Variants in ZNF430 observed in about 807,000 individuals in gnomAD.
The protein encoded by ZNF430 is zinc finger protein 430.
In ZNF430, 35 loss-of-function variants were observed where a neutral mutation model predicts 56.7. The ratio of observed to expected loss-of-function variants is 0.62; its 90% CI spans 0.47 to 0.82. The LOEUF (loss-of-function observed/expected upper bound fraction) is 0.82. Ranked by LOEUF, ZNF430 falls within the 40% of genes least tolerant of loss-of-function variation. The probability of loss-of-function intolerance (pLI) is 0.00; values close to 1 mark genes in which losing one functional copy is unlikely to be tolerated. For missense variants in ZNF430, 574 were observed against 661.0 expected (o/e 0.87, Z 1.44); for synonymous variants, 212 against 224.3 (o/e 0.94, Z 0.49).
At chr19:21,048,392 G>A (rs1373488540) in intron 4 of ZNF430, among the ~76,000 whole-genome samples, 2 of 150,820 alleles carry the variant, frequency 1.3e-5, no homozygotes, top group Admixed American at 6.6e-5. Context: ...GACTCTTAAC[G>A]AGCATGCTGC....
At chr19:21,029,637 G>A (rs113178293) in intron 2 of ZNF430, among the ~76,000 whole-genome samples, 124 of 152,132 alleles carry the variant, frequency 8.2e-4, no homozygotes, top group African/African-American at 2.5e-3. Flanking sequence ...GTCTGGCCCC[G>A]CTCTGGAGCC....
Position 21,057,978 on chromosome 19 carries a change from T to C in ZNF430, c.1670T>C (p.Ile557Thr), listed in dbSNP as rs1968411902. 1.9e-6 allele frequency: 3 copies of C among 1,605,776 alleles called. No individual in the cohort carries two copies. Among genetic ancestry groups the C allele is most frequent in the East Asian group, 2.3e-5 (1 of 44,380 alleles). The change falls in exon 5 of 5, where the codon ATT becomes ACT. Residue 557 changes from isoleucine to threonine, a missense_variant. This residue lies in a region of ZNF430 where 213 missense variants were observed against 221.0 expected (regional missense o/e 0.96). Transcript: ENST00000261560. ...GCTTTCAACCAGTCCTCAAACCTTA[T>C]TGAACAAAGTAATTCATACTGGAGA... Reference protein sequence around the residue: ...GKAFNQSSNLIEQSNSYWRET... With the variant: ...GKAFNQSSNLTEQSNSYWRET...
At chr19:21,052,824 C>T (rs996635485) in intron 4 of ZNF430, among the ~76,000 whole-genome samples, 2 of 152,152 alleles carry the variant, frequency 1.3e-5, no homozygotes, top group Non-Finnish European at 2.9e-5. Flanking sequence ...AGAATGGACT[C>T]AGGGACCTGG....
Position 21,057,962 on chromosome 19 carries a change from C to G in ZNF430, c.1654C>G (p.Gln552Glu). 6.2e-7 allele frequency: 1 copy of G among 1,612,198 alleles called. No homozygotes were observed. The highest frequency in any genetic ancestry group is 8.5e-7 in the Non-Finnish European group (1 of 1,179,308). The change falls in exon 5 of 5, where the codon CAG (glutamine) becomes GAG (glutamate). Residue 552 changes from glutamine to glutamate, a missense_variant. Around this residue, in one of 3 missense-constraint regions of ZNF430, gnomAD observed 213 missense variants for 221.0 expected, o/e 0.96. Coordinates refer to ENST00000261560, the MANE Select transcript of ZNF430 (RefSeq NM_025189.4). ...TGAAGAATACGGCAAAGCTTTCAACCAGTCCTCAAACCTTATTGAACAAAG... is the reference window on the plus strand; with the variant it reads ...TGAAGAATACGGCAAAGCTTTCAACGAGTCCTCAAACCTTATTGAACAAAG... Reference protein sequence around the residue: ...NCEEYGKAFNQSSNLIEQSNS... With the variant: ...NCEEYGKAFNESSNLIEQSNS...
intron 4 of ZNF430, among the ~76,000 whole-genome samples, chr19:21,054,536 C>T (rs1368471317): frequency 6.6e-6 from 1 of 151,946 alleles, no homozygotes; most frequent in Admixed American, 6.6e-5. Context: ...TTGCAAATGA[C>T]ATCACTTTTA....
chr19:21,054,090 T>C (rs772061297), intron 4 of ZNF430, among the ~76,000 whole-genome samples: 1 of 152,178 alleles, frequency 6.6e-6, no homozygotes, highest in Non-Finnish European at 1.5e-5. Flanking sequence ...ATATTTTTTA[T>C]GTTGTATATT....
At position 21,059,543 on chromosome 19, in the gene ZNF430, C is replaced by CAAAAAAAAAAAAAAAAAAAAATA. The variant is rs71174793; in HGVS notation, c.*1541_*1542insAATAAAAAAAAAAAAAAAAAAAA. ...GGGCAACAAGAGTGAAACTCCATTT[C>CAAAAAAAAAAAAAAAAAAAAATA]AAAAAAAAAAAAAAAAAAACAACTA... On this transcript the variant is annotated 3_prime_UTR_variant, in exon 5 of 5. Coordinates refer to ENST00000261560, the MANE Select transcript of ZNF430 (RefSeq NM_025189.4). 2 of 102,284 alleles carry CAAAAAAAAAAAAAAAAAAAAATA rather than the reference C, an allele frequency of 2.0e-5. No individual in the cohort carries two copies. Among genetic ancestry groups the CAAAAAAAAAAAAAAAAAAAAATA allele is most frequent in the Non-Finnish European group, 2.1e-5 (1 of 48,436 alleles). The allele number at this position is 102,284 out of a possible 1,614,324, so 6.3% of individuals were successfully genotyped here.
At chr19:21,027,239 G>A (rs770254366) in intron 2 of ZNF430, among the ~76,000 whole-genome samples, 4 of 152,082 alleles carry the variant, frequency 2.6e-5, no homozygotes, top group Non-Finnish European at 5.9e-5. Flanking sequence ...TTTTCAAGGA[G>A]GAATGCTTCC....
At chr19:21,053,264 G>A (rs908930061) in intron 4 of ZNF430, among the ~76,000 whole-genome samples, 3 of 151,916 alleles carry the variant, frequency 2.0e-5, no homozygotes, top group Non-Finnish European at 4.4e-5. Context: ...AGGAAGGAGG[G>A]GGGTGATGAC....
At chr19:21,023,099 A>G (rs1284949145) in intron 2 of ZNF430, among the ~76,000 whole-genome samples, 2 of 152,212 alleles carry the variant, frequency 1.3e-5, no homozygotes, top group Non-Finnish European at 2.9e-5. Context: ...ATAGTATCCC[A>G]AAAGACAAAA....
intron 4 of ZNF430, among the ~76,000 whole-genome samples, chr19:21,052,143 CTCATT>C (rs1166936600): frequency 3.3e-5 from 5 of 152,134 alleles, no homozygotes; most frequent in South Asian, 2.1e-4. Flanking sequence ...CTGTTTTATA[CTCATT>C]TCATTTTGGT....
intron 4 of ZNF430, among the ~76,000 whole-genome samples, chr19:21,049,331 A>T (rs150546784): frequency 6.6e-6 from 1 of 152,160 alleles, no homozygotes; most frequent in African/African-American, 2.4e-5. Flanking sequence ...GTATTTTTAT[A>T]TCTACAGAAC....
At chr19:21,029,638 C>T (rs1967865171) in intron 2 of ZNF430, among the ~76,000 whole-genome samples, 1 of 152,070 alleles carries the variant, frequency 6.6e-6, no homozygotes, top group South Asian at 2.1e-4. Context: ...TCTGGCCCCG[C>T]TCTGGAGCCT....
In ZNF430 at chr19:21,057,039, G is replaced by C. The variant is rs1568594121; in HGVS notation, c.731G>C (p.Trp244Ser). The C allele has an allele frequency of 1.2e-6, 2 of 1,613,980 alleles. No homozygotes were observed. The highest frequency in any genetic ancestry group is 8.5e-7 in the Non-Finnish European group (1 of 1,179,972). ...QCEECGKVFN[W>S]FSTLTRHRRI... ...GAAGAATGTGGTAAAGTCTTTAACT[G>C]GTTCTCAACCCTTACTAGACACAGA... Residue 244 changes from tryptophan (W) to serine (S), a missense_variant, in exon 5 of 5, where the codon TGG (tryptophan) becomes TCG (serine). Trp to Ser is a radical substitution (Grantham distance 177). Coordinates refer to ENST00000261560, the MANE Select transcript of ZNF430 (RefSeq NM_025189.4).
At position 21,058,460 on chromosome 19, in the gene ZNF430, A is replaced by G; in HGVS notation, c.*439A>G. 6.2e-6 allele frequency: 1 copy of G among 160,522 alleles called. No homozygotes were observed. The allele number at this position is 160,522 out of a possible 1,614,324, so 9.9% of individuals were successfully genotyped here. ...ACTCCATCTCAGAAAAAAAAAAAAA[A>G]GATAATTCATACTGAAAAGAAACTC... On this transcript the variant is annotated 3_prime_UTR_variant, in exon 5 of 5. Coordinates refer to ENST00000261560, the MANE Select transcript of ZNF430 (RefSeq NM_025189.4).
intron 4 of ZNF430, among the ~76,000 whole-genome samples, chr19:21,041,370 G>C (rs906001925): frequency 6.6e-6 from 1 of 152,176 alleles, no homozygotes; most frequent in African/African-American, 2.4e-5. Context: ...CTGAGTTAAA[G>C]TAATCAGCCC....
intron 4 of ZNF430, chr19:21,036,534 C>A (rs368621477): frequency 1.6e-4 from 24 of 151,868 alleles, no homozygotes; most frequent in South Asian, 4.2e-4. Flanking sequence ...TTAGGTGTAC[C>A]TTTTAGGGCC....
intron 4 of ZNF430, among the ~76,000 whole-genome samples, chr19:21,041,558 T>A (rs867672492): frequency 3.3e-5 from 5 of 152,234 alleles, no homozygotes; most frequent in Middle Eastern, 3.2e-3. Context: ...ACAAGTTTGT[T>A]ACATAGGTAA....
chr19:21,043,950 T>C (rs1379580372), intron 4 of ZNF430, among the ~76,000 whole-genome samples: 1 of 146,014 alleles, frequency 6.8e-6, no homozygotes, highest in African/African-American at 2.5e-5. Context: ...TTTTGTATCC[T>C]GAGACTTTGC....
Sources: allele counts gnomAD v4.1 joint callset (sites outside exome capture counted in the v4.1 genomes callset), GRCh38; gene constraint gnomAD v4.1.1; regional missense constraint gnomAD v4.1.1; transcripts MANE v1.5; gene names NCBI Gene and HGNC (gene_info 2026-07-23, HGNC 2026-07-21).